Variants in SLC7A9 observed in about 807,000 individuals in gnomAD.
SLC7A9 encodes the protein B(0,+)-type amino acid transporter 1.
SLC7A9 carries 38 observed loss-of-function variants against 54.1 expected under a neutral mutation model. That is an observed-to-expected ratio of 0.70 (90% confidence interval 0.54 to 0.92). SLC7A9 has a LOEUF of 0.92. Among genes scored for constraint, SLC7A9 ranks in the 40% least tolerant of loss-of-function variants. The pLI, the probability that SLC7A9 is intolerant of heterozygous loss-of-function variation, is 0.00. For missense variants in SLC7A9, 537 were observed against 636.1 expected (o/e 0.84, Z 1.68); for synonymous variants, 264 against 258.9 (o/e 1.02, Z -0.19).
chr19:32,859,877 A>C lies in SLC7A9; in HGVS notation c.837T>G (p.Thr279=), dbSNP rs772434888. The C allele has an allele frequency of 5.6e-6, 9 of 1,614,050 alleles. No homozygotes were observed. Among genetic ancestry groups the C allele is most frequent in the African/African-American group, 2.7e-5 (2 of 74,942 alleles). The change falls in exon 8 of 13, where the codon ACT becomes ACG. Residue 279 remains threonine (T), a synonymous_variant. Transcript: ENST00000023064. ...CCTGGGACTGCAGGAGTTCGGTGGCAGTCATCACGGTGAAGTAGGACACGT... is the reference window on the plus strand; with the variant it reads ...CCTGGGACTGCAGGAGTTCGGTGGCCGTCATCACGGTGAAGTAGGACACGT... ...LMNVSYFTVM[T]ATELLQSQAV... is the part of the protein sequence containing the mutation.
At chr19:32,858,213 C>G (rs1327170562) in intron 9 of SLC7A9, among the ~76,000 whole-genome samples, 1 of 152,174 alleles carries the variant, frequency 6.6e-6, no homozygotes, top group Non-Finnish European at 1.5e-5. Context: ...GGCTGAGATT[C>G]CAGGCAGCCT....
chr19:32,858,768 C>CTTTATTTATTTATTTATTTATTTA (rs71176160), intron 8 of SLC7A9, among the ~76,000 whole-genome samples: 186 of 148,626 alleles, frequency 1.3e-3, no homozygotes, highest in East Asian at 5.0e-3. Context: ...TGGCATAAAT[C>CTTTATTTATTTATTTATTTATTTA]TTTATTTATT....
intron 9 of SLC7A9, among the ~76,000 whole-genome samples, chr19:32,854,419 A>G (rs1447545440): frequency 6.6e-6 from 1 of 152,174 alleles, no homozygotes; most frequent in East Asian, 1.9e-4. Context: ...GAAACTGGCA[A>G]GCTGATTGTA....
chr19:32,867,897 T>A (rs1392153833), intron 2 of SLC7A9, among the ~76,000 whole-genome samples: 6 of 124,656 alleles, frequency 4.8e-5, no homozygotes, highest in Admixed American at 1.1e-4. Flanking sequence ...ACCACTGCAC[T>A]CCAGCCTGGG....
chr19:32,836,175 C>T (rs999169297), intron 11 of SLC7A9, among the ~76,000 whole-genome samples: 9 of 151,892 alleles, frequency 5.9e-5, no homozygotes, highest in African/African-American at 1.9e-4. Context: ...AGCCTCCCAA[C>T]ATGCTGGGAT....
At chr19:32,859,528 T>C (rs2145838178) in intron 8 of SLC7A9, among the ~76,000 whole-genome samples, 1 of 152,240 alleles carries the variant, frequency 6.6e-6, no homozygotes, top group Middle Eastern at 3.4e-3. Flanking sequence ...GATTCATTAT[T>C]ATTTAGGGTG....
At chr19:32,834,028 C>T (rs992916102) in intron 11 of SLC7A9, among the ~76,000 whole-genome samples, 1 of 152,026 alleles carries the variant, frequency 6.6e-6, no homozygotes, top group African/African-American at 2.4e-5. Context: ...TCCAGAATGA[C>T]AAGTTGGGCC....
At chr19:32,851,206 G>A (rs1392113198) in intron 9 of SLC7A9, among the ~76,000 whole-genome samples, 1 of 152,052 alleles carries the variant, frequency 6.6e-6, no homozygotes, top group Non-Finnish European at 1.5e-5. Flanking sequence ...CTTCTGCACA[G>A]CAAAAGCAAC....
Position 32,868,662 on chromosome 19 carries a change from T to A in SLC7A9, c.-111-17A>T. Reference sequence around the variant, plus strand: ...GGGAGCTGGCTGCAAAAGCACAGTGTTGGTTATTGCTGCAGGTGGGGGCCG... The same window carrying A: ...GGGAGCTGGCTGCAAAAGCACAGTGATGGTTATTGCTGCAGGTGGGGGCCG... On this transcript the variant is annotated splice_polypyrimidine_tract_variant and intron_variant, in intron 1 of 12. Transcript: ENST00000023064. The A allele has an allele frequency of 1.3e-6, 1 of 787,948 alleles. No individual in the cohort carries two copies. The highest frequency in any genetic ancestry group is 2.2e-6 in the Non-Finnish European group (1 of 447,380). The allele number at this position is 787,948 out of a possible 1,614,324, so 48.8% of individuals were successfully genotyped here. A position where few individuals can be genotyped will look rare whatever the true frequency, so the allele number is the denominator to read the frequency against.
chr19:32,845,995 C>T (rs1968279927), intron 9 of SLC7A9, among the ~76,000 whole-genome samples: 1 of 152,186 alleles, frequency 6.6e-6, no homozygotes, highest in South Asian at 2.1e-4. Flanking sequence ...CAGAGTGAGA[C>T]TCTGTCTCAA....
rs144073752 is a variant in SLC7A9, at chr19:32,865,540, G to A, written c.88-764C>T. Among the ~76,000 whole-genome samples the A allele has an allele frequency of 1.5e-3, 226 of 152,344 alleles. 1 individual carries two copies. Among genetic ancestry groups the A allele is most frequent in the African/African-American group, 5.2e-3 (217 of 41,572 alleles). ...TCAAAGAGACACCAGATGGTTCCAT[G>A]CCTGTGAAGTTCAAGAACAGGTGAA... On this transcript the variant is annotated intron_variant, in intron 2 of 12. Transcript: ENST00000023064.
In SLC7A9 at chr19:32,858,641, C is replaced by A. The variant is rs1599679214; in HGVS notation, c.874-98G>T. 5 of 874,796 alleles carry A rather than the reference C, an allele frequency of 5.7e-6. No homozygotes were observed. The Admixed American group carries it at 1.0e-4, about 17-fold the overall frequency. The allele number at this position is 874,796 out of a possible 1,614,324, so 54.2% of individuals were successfully genotyped here. A position where few individuals can be genotyped will look rare whatever the true frequency, so the allele number is the denominator to read the frequency against. The stretch of plus-strand genomic sequence containing the variant: ...TCTGGCCTCCCAGGGGACCCAGGGA[C>A]CCACCTCGCCTCGGGGCACAGCCTC... On this transcript the variant is annotated intron_variant, in intron 8 of 12. Transcript: ENST00000023064.
rs1968199790 is a variant in SLC7A9, at chr19:32,843,868, G to T, written c.1061C>A (p.Ala354Asp). 2 of 1,613,150 alleles carry T rather than the reference G, an allele frequency of 1.2e-6. No homozygotes were observed. The highest frequency in any genetic ancestry group is 2.2e-5 in the East Asian group (1 of 44,876). Reference protein sequence around the residue: ...ISVRRLTPAPAIIFYGIIATI... With the variant: ...ISVRRLTPAPDIIFYGIIATI... ...ATTTGTACTCACATAAAAGATGATG[G>T]CGGGGGCTGGAGTGAGGCGCCTGAC... Residue 354 changes from alanine (A) to aspartate (D), a missense_variant, in exon 10 of 13, where the codon GCC becomes GAC. Ala to Asp is a moderately radical substitution (Grantham distance 126). Transcript: ENST00000023064.
In SLC7A9 at chr19:32,868,541, T is replaced by A; in HGVS notation, c.-7A>T. 1 of 1,612,968 alleles carries A rather than the reference T, an allele frequency of 6.2e-7. No homozygotes were observed. The highest frequency in any genetic ancestry group is 8.5e-7 in the Non-Finnish European group (1 of 1,178,976). ...TCAGGCCAGTATCCCCCATGTTTCC[T>A]CCTGCTGGTTCCAGGAGACTGCAAG... On this transcript the variant is annotated 5_prime_UTR_variant, in exon 2 of 13. Transcript: ENST00000023064.
At chr19:32,843,976 C>A in intron 9 of SLC7A9, 25 bp from the exon 10 acceptor site, 1 of 1,555,810 alleles carries the variant, frequency 6.4e-7, no homozygotes, top group Non-Finnish European at 8.9e-7. Flanking sequence ...CACGGGAGTC[C>A]GCTGACCAGA....
At position 32,845,261 on chromosome 19, in the gene SLC7A9, G is replaced by A. The variant is rs111325587; in HGVS notation, c.978-1310C>T. 5.9e-4 allele frequency among the ~76,000 whole-genome samples: 90 copies of A among 152,278 alleles called. 1 individual carries two copies. The highest frequency in any genetic ancestry group is 1.9e-3 in the African/African-American group (80 of 41,558). On this transcript the variant is annotated intron_variant, in intron 9 of 12. Transcript: ENST00000023064. The stretch of plus-strand genomic sequence containing the variant: ...TATACTCCCAGCACTTTGGGAGGCC[G>A]AGACAGGTGGACTGCTTGAGTTCAG...
intron 3 of SLC7A9, 140 bp from the exon 4 acceptor site, chr19:32,864,478 G>A (rs1411407193): frequency 4.0e-6 from 6 of 1,503,446 alleles, no homozygotes; most frequent in Non-Finnish European, 5.5e-6. Flanking sequence ...CTGAGCTCCA[G>A]CGTTGGACAT....
Position 32,842,159 on chromosome 19 carries a change from C to T in SLC7A9, c.1224+9G>A. 4 of 1,614,122 alleles carry T rather than the reference C, an allele frequency of 2.5e-6. No individual in the cohort carries two copies. Among genetic ancestry groups the T allele is most frequent in the Non-Finnish European group, 3.4e-6 (4 of 1,180,002 alleles). Reference sequence around the variant, plus strand: ...AAAGCCACTCGTGACTCTGGGGCTGCAAGCTTACCTTGATAGGCCTTTCCA... The same window carrying T: ...AAAGCCACTCGTGACTCTGGGGCTGTAAGCTTACCTTGATAGGCCTTTCCA... On this transcript the variant is annotated intron_variant, in intron 11 of 12. Coordinates refer to ENST00000023064, the MANE Select transcript of SLC7A9 (RefSeq NM_014270.5).
At chr19:32,863,726 G>A (rs1968875321) in intron 4 of SLC7A9, among the ~76,000 whole-genome samples, 2 of 152,204 alleles carry the variant, frequency 1.3e-5, no homozygotes, top group African/African-American at 4.8e-5. Flanking sequence ...TCCAAACATG[G>A]GAGTTTAAGG....
Sources: gnomAD v4.1 joint callset for allele counts (sites outside exome capture counted in the v4.1 genomes callset) on GRCh38, gnomAD v4.1.1 for gene constraint, MANE v1.5 for transcripts, NCBI Gene and HGNC (gene_info 2026-07-23, HGNC 2026-07-21) for gene names.